Variants in DHTKD1 observed in about 807,000 individuals in gnomAD.
DHTKD1 encodes dehydrogenase E1 and transketolase domain containing 1.
In DHTKD1, 78 loss-of-function variants were observed where a neutral mutation model predicts 101.8. The ratio of observed to expected loss-of-function variants is 0.77; its 90% CI spans 0.64 to 0.93. The LOEUF (loss-of-function observed/expected upper bound fraction) is 0.93, where lower values mean the gene tolerates loss of function less well. Among genes scored for constraint, DHTKD1 ranks in the 40% least tolerant of loss-of-function variants. The probability of loss-of-function intolerance (pLI) is 0.00; values close to 1 mark genes in which losing one functional copy is unlikely to be tolerated. For synonymous variants in DHTKD1, 462 were observed against 450.3 expected, an observed-to-expected ratio of 1.03 and a Z score of -0.33; for missense variants, 1,223 against 1,161.7, an observed-to-expected ratio of 1.05 and a Z score of -0.77.
rs184865287 is a variant in DHTKD1 at position 12,090,221 on chromosome 10, A to G, written c.987+966A>G. Among the ~76,000 whole-genome samples, 4 of 152,322 alleles carry G rather than the reference A, an allele frequency of 2.6e-5. No individual in the cohort carries two copies. The East Asian group carries it at 7.7e-4, about 29-fold the overall frequency. ...CAGTCTTCAAATTCCACAGAAATAG[A>G]TAAATATATAAGGCAATCAAATATT... is the stretch of plus-strand genomic sequence containing the variant. On this transcript the variant is annotated intron_variant, in intron 5 of 16. Coordinates refer to ENST00000263035, the MANE Select transcript of DHTKD1 (RefSeq NM_018706.7).
intron 8 of DHTKD1, among the ~76,000 whole-genome samples, chr10:12,099,670 AGAGT>A (rs1233107046): frequency 2.6e-5 from 4 of 152,210 alleles, no homozygotes; most frequent in African/African-American, 9.6e-5. Context: ...CCTGCGTGAC[AGAGT>A]GAGACTGCCT....
Position 12,091,535 on chromosome 10 carries a change from G to A in DHTKD1, c.1010G>A (p.Cys337Tyr), listed in dbSNP as rs778584807. ...TAGGTCCATGGTGATGCTTCTTTCT[G>A]TGGTCAAGGGATTGTTCCTGAAACA... ...CLQVHGDASF[C>Y]GQGIVPETFT... Residue 337 changes from cysteine (C) to tyrosine (Y), a missense_variant, in exon 6 of 17, where the codon TGT (cysteine) becomes TAT (tyrosine). Transcript: ENST00000263035. 1 of 1,606,414 alleles carries A rather than the reference G, an allele frequency of 6.2e-7. No homozygotes were observed. The highest frequency in any genetic ancestry group is 8.5e-7 in the Non-Finnish European group (1 of 1,176,824).
Position 12,112,938 on chromosome 10 carries a change from T to C in DHTKD1, c.2193T>C (p.Thr731=). The C allele has an allele frequency of 6.2e-7, 1 of 1,612,962 alleles. No homozygotes were observed. The highest frequency in any genetic ancestry group is 8.5e-7 in the Non-Finnish European group (1 of 1,179,526). The part of the protein sequence containing the change: ...DSAEEGVDGD[T]VNMFVVHPTT... ...CGGAAGAGGGGGTGGACGGAGACAC[T>C]GTGAACATGTTTGTGGTTCACCCAA... The change falls in exon 13 of 17, where the codon ACT becomes ACC. Residue 731 remains threonine (T), a synonymous_variant. Coordinates refer to ENST00000263035, the MANE Select transcript of DHTKD1 (RefSeq NM_018706.7).
chr10:12,099,833 G>A (rs1833130626), intron 8 of DHTKD1, among the ~76,000 whole-genome samples: 1 of 119,142 alleles, frequency 8.4e-6, no homozygotes, highest in South Asian at 2.5e-4. Flanking sequence ...GTCTTGCTCT[G>A]TCGCCCAGGC....
In DHTKD1 at chr10:12,069,046, A is replaced by G. The variant is rs1341100080; in HGVS notation, c.13A>G (p.Thr5Ala). Reference protein sequence around the residue: MASATAAAARRGLGR... With the variant: MASAAAAAARRGLGR... ...ACATCTGGTGAACATGGCCTCTGCTACTGCGGCAGCAGCACGACGGGGCCT... is the reference window on the plus strand; with the variant it reads ...ACATCTGGTGAACATGGCCTCTGCTGCTGCGGCAGCAGCACGACGGGGCCT... The change falls in exon 1 of 17, where the codon ACT becomes GCT. Residue 5 changes from threonine to alanine, a missense_variant. Coordinates refer to ENST00000263035, the MANE Select transcript of DHTKD1 (RefSeq NM_018706.7). 6.2e-7 allele frequency: 1 copy of G among 1,613,174 alleles called. No individual in the cohort carries two copies. Among genetic ancestry groups the G allele is most frequent in the East Asian group, 2.2e-5 (1 of 44,850 alleles).
intron 1 of DHTKD1, among the ~76,000 whole-genome samples, chr10:12,077,706 C>A (rs1232554370): frequency 6.6e-6 from 1 of 152,120 alleles, no homozygotes; most frequent in Non-Finnish European, 1.5e-5. Flanking sequence ...GGAGGGCCTA[C>A]GTTTGTCTTC....
chr10:12,116,927 G>T (rs2131627264), intron 13 of DHTKD1, among the ~76,000 whole-genome samples: 1 of 151,584 alleles, frequency 6.6e-6, no homozygotes, highest in African/African-American at 2.4e-5. Context: ...TCTCAAACTT[G>T]TGAGTTCAAG....
chr10:12,084,068 G>T (rs144996517), intron 2 of DHTKD1, among the ~76,000 whole-genome samples: 4 of 151,904 alleles, frequency 2.6e-5, no homozygotes, highest in African/African-American at 9.7e-5. Context: ...GACTACAGGC[G>T]CACGCTACCA....
At position 12,089,087 on chromosome 10, in the gene DHTKD1, T is replaced by C; in HGVS notation, c.819T>C (p.Phe273=). Residue 273 remains phenylalanine, a synonymous_variant, in exon 5 of 17, where the codon TTT becomes TTC. Transcript: ENST00000263035. ...SHLTSSVDLY[F]GAHHPLHVTM... is the part of the protein sequence containing the mutation. Reference sequence around the variant, plus strand: ...TGACCTCCTCTGTGGACCTGTACTTTGGGGCGCACCATCCCCTCCATGTGA... The same window carrying C: ...TGACCTCCTCTGTGGACCTGTACTTCGGGGCGCACCATCCCCTCCATGTGA... 1 of 1,614,132 alleles carries C rather than the reference T, an allele frequency of 6.2e-7. No individual in the cohort carries two copies. Among genetic ancestry groups the C allele is most frequent in the Non-Finnish European group, 8.5e-7 (1 of 1,180,030 alleles).
intron 3 of DHTKD1, among the ~76,000 whole-genome samples, chr10:12,086,224 T>C (rs1412929734): frequency 1.0e-3 from 11 of 10,986 alleles, no homozygotes; most frequent in African/African-American, 1.5e-3. Context: ...TTGTTTTCTT[T>C]TCTTTTTTTT....
At chr10:12,094,942 C>T (rs560419510) in intron 7 of DHTKD1, among the ~76,000 whole-genome samples, 7 of 152,136 alleles carry the variant, frequency 4.6e-5, no homozygotes, top group Admixed American at 2.0e-4. Context: ...TGCCTGGCCT[C>T]CCATACTCTT....
At chr10:12,070,483 G>GTC (rs113653116) in intron 1 of DHTKD1, among the ~76,000 whole-genome samples, 3 of 152,014 alleles carry the variant, frequency 2.0e-5, no homozygotes, top group African/African-American at 7.2e-5. Context: ...TCATATCTCT[G>GTC]TCTCTCTCTC....
At chr10:12,082,520 C>T (rs755040123) in intron 2 of DHTKD1, among the ~76,000 whole-genome samples, 3 of 152,060 alleles carry the variant, frequency 2.0e-5, no homozygotes, top group Non-Finnish European at 2.9e-5. Context: ...TACCCCAAGA[C>T]GTAATGGCAT....
At chr10:12,099,106 C>T (rs1833117246) in intron 8 of DHTKD1, among the ~76,000 whole-genome samples, 1 of 151,738 alleles carries the variant, frequency 6.6e-6, no homozygotes, top group Non-Finnish European at 1.5e-5. Context: ...GAAGGTCGAG[C>T]CTGCAATGAG....
At chr10:12,090,765 G>A (rs1426763476) in intron 5 of DHTKD1, among the ~76,000 whole-genome samples, 1 of 152,160 alleles carries the variant, frequency 6.6e-6, no homozygotes, top group African/African-American at 2.4e-5. Context: ...GATATTACAG[G>A]TGTGAACCAC....
At chr10:12,094,634 G>A (rs1418956404) in intron 7 of DHTKD1, among the ~76,000 whole-genome samples, 1 of 152,070 alleles carries the variant, frequency 6.6e-6, no homozygotes, top group East Asian at 1.9e-4. Flanking sequence ...ACCATGCCCA[G>A]GCAGGACATG....
chr10:12,069,953 G>A (rs1292205479), intron 1 of DHTKD1, among the ~76,000 whole-genome samples: 1 of 151,952 alleles, frequency 6.6e-6, no homozygotes, highest in Non-Finnish European at 1.5e-5. Context: ...CAGGTGGGGG[G>A]GTCCAAGACT....
chr10:12,091,048 C>T (rs1221100046), intron 5 of DHTKD1, among the ~76,000 whole-genome samples: 8 of 150,338 alleles, frequency 5.3e-5, no homozygotes, highest in East Asian at 2.0e-4. Context: ...AGCGAGACTC[C>T]GTCTCAAAAA....
intron 3 of DHTKD1, 71 bp downstream of exon 3, chr10:12,084,822 G>C (rs948350694): frequency 2.2e-6 from 3 of 1,395,058 alleles, no homozygotes; most frequent in Admixed American, 1.7e-5. Flanking sequence ...AGGCCGAGGC[G>C]GGCGGATCAC....
Sources: gnomAD v4.1 joint callset for allele counts (sites outside exome capture counted in the v4.1 genomes callset) on GRCh38, gnomAD v4.1.1 for gene constraint, MANE v1.5 for transcripts, NCBI Gene and HGNC (gene_info 2026-07-23, HGNC 2026-07-21) for gene names.